SLC9B1: variants seen among roughly 807,000 people sequenced by gnomAD.
The protein encoded by SLC9B1 is solute carrier family 9 member B1, also known as sodium/hydrogen exchanger 9B1.
SLC9B1 carries 32 observed loss-of-function variants against 51.7 expected under a neutral mutation model. That is an observed-to-expected ratio of 0.62 (90% confidence interval 0.47 to 0.83). The LOEUF (loss-of-function observed/expected upper bound fraction) is 0.83. SLC9B1 is among the 40% of genes least tolerant of loss of function. The pLI is 0.00. For synonymous variants in SLC9B1, 145 were observed against 212.7 expected (o/e 0.68, Z 2.77); for missense variants, 406 against 613.2 (o/e 0.66, Z 3.57).
intron 9 of SLC9B1, among the ~76,000 whole-genome samples, chr4:102,906,978 G>A (rs1488669670): frequency 2.6e-5 from 4 of 151,938 alleles, no homozygotes; most frequent in African/African-American, 4.8e-5. Flanking sequence ...TGGCTGTGGC[G>A]TCCCAAAGCA....
At chr4:102,960,818 C>A (rs868822383) in intron 3 of SLC9B1, among the ~76,000 whole-genome samples, 111 of 151,602 alleles carry the variant, frequency 7.3e-4, no homozygotes, top group African/African-American at 2.5e-3. Context: ...CCACAACCTC[C>A]GCCTCCCGGG....
chr4:102,920,139 C>T (rs1735790877), intron 7 of SLC9B1, among the ~76,000 whole-genome samples: 1 of 152,188 alleles, frequency 6.6e-6, no homozygotes, highest in South Asian at 2.1e-4. Flanking sequence ...CTGGGACACA[C>T]CTGCCAGTAG....
At chr4:102,974,001 C>T (rs1305330746) in intron 3 of SLC9B1, among the ~76,000 whole-genome samples, 3 of 151,860 alleles carry the variant, frequency 2.0e-5, no homozygotes, top group African/African-American at 7.3e-5. Flanking sequence ...TTTGGGAGGT[C>T]AAGGCGGGCG....
At chr4:102,894,523 A>G (rs1734441094) in intron 11 of SLC9B1, among the ~76,000 whole-genome samples, 2 of 152,184 alleles carry the variant, frequency 1.3e-5, no homozygotes, top group Non-Finnish European at 2.9e-5. Flanking sequence ...TACAAAATAT[A>G]TTAGCAATAA....
rs3974483 is a variant in SLC9B1, at chr4:103,008,422, C to CT, written c.-2+11176dup. Among the ~76,000 whole-genome samples the CT allele has an allele frequency of 3.6e-3, 518 of 145,776 alleles. 8 individuals are homozygous for CT. Among genetic ancestry groups the CT allele is most frequent in the South Asian group, 0.027 (124 of 4,616 alleles). On this transcript the variant is annotated intron_variant, in intron 1 of 11. Transcript: ENST00000296422. ...TAAGTTCTCTGTTTTTCATTTGCTA[C>CT]TTTTTTTTTTTTTTTTGACAGAATC...
At position 102,906,303 on chromosome 4, in the gene SLC9B1, T is replaced by C. The variant is rs191293894; in HGVS notation, c.1195+233A>G. 57 of 244,642 alleles carry C rather than the reference T, an allele frequency of 2.3e-4. No individual in the cohort carries two copies. In the East Asian group the frequency reaches 5.3e-3, roughly 23 times the overall value. The allele number at this position is 244,642 out of a possible 1,614,324, so 15.2% of individuals were successfully genotyped here. A position where few individuals can be genotyped will look rare whatever the true frequency, so the allele number is the denominator to read the frequency against. ...ATGTTCCCTCAGGAAAGAAATCTTA[T>C]ATTTATTTCTTCAGATAACTCAGGG... is the stretch of plus-strand genomic sequence containing the variant. On this transcript the variant is annotated intron_variant, in intron 10 of 11. Transcript: ENST00000296422.
intron 6 of SLC9B1, among the ~76,000 whole-genome samples, chr4:102,936,082 G>A (rs1171235435): frequency 6.6e-6 from 1 of 152,190 alleles, no homozygotes; most frequent in African/African-American, 2.4e-5. Context: ...TGAAGGGCCA[G>A]ACAACAAATC....
intron 7 of SLC9B1, among the ~76,000 whole-genome samples, chr4:102,917,443 ATCTATATCTATATCTAT>A (rs1735634361): frequency 1.1e-5 from 1 of 93,034 alleles, no homozygotes; most frequent in African/African-American, 4.7e-5. Context: ...CTATATCTAT[ATCTATATCTATATCTAT>A]ATCTATATCT....
At chr4:102,892,528 C>G (rs569044261) in intron 11 of SLC9B1, 1 of 152,260 alleles carries the variant, frequency 6.6e-6, no homozygotes, top group South Asian at 2.1e-4. Flanking sequence ...GTTTTTCAAC[C>G]AGAGATGACA....
chr4:103,010,100 C>G (rs1741014878), intron 1 of SLC9B1, among the ~76,000 whole-genome samples: 1 of 152,170 alleles, frequency 6.6e-6, no homozygotes, highest in African/African-American at 2.4e-5. Flanking sequence ...GTGCCTAGAT[C>G]TTGTTGCCAC....
At chr4:102,959,250 AC>A (rs1298204939) in intron 3 of SLC9B1, among the ~76,000 whole-genome samples, 13 of 152,084 alleles carry the variant, frequency 8.5e-5, no homozygotes, top group Non-Finnish European at 1.8e-4. Flanking sequence ...ACACACACAC[AC>A]ACACACATAC....
rs1358019502 is a variant in SLC9B1 at position 102,977,320 on chromosome 4, A to G, written c.211+12480T>C. 1.1e-4 allele frequency among the ~76,000 whole-genome samples: 16 copies of G among 150,904 alleles called. No homozygotes were observed. The East Asian group carries it at 2.5e-3, about 24-fold the overall frequency. ...CTTAAAAAAAAAAAAAAAAAAACAG[A>G]AAAAAAGGAAGAAGAACAAGAGGAG... On this transcript the variant is annotated intron_variant, in intron 3 of 11. Coordinates refer to ENST00000296422, the MANE Select transcript of SLC9B1 (RefSeq NM_139173.4).
At chr4:102,887,452 A>G in intron 11 of SLC9B1, 1 of 930,988 alleles carries the variant, frequency 1.1e-6, no homozygotes, top group Non-Finnish European at 1.7e-6. Flanking sequence ...ATATTTTCTC[A>G]TTCTTTGTGT....
At chr4:102,929,031 C>G (rs1230161323) in intron 7 of SLC9B1, among the ~76,000 whole-genome samples, 2 of 152,160 alleles carry the variant, frequency 1.3e-5, no homozygotes, top group African/African-American at 4.8e-5. Flanking sequence ...GGTGCCGACC[C>G]ACACTGAGGG....
intron 7 of SLC9B1, among the ~76,000 whole-genome samples, chr4:102,931,435 A>T (rs2110458176): frequency 6.6e-6 from 1 of 152,148 alleles, no homozygotes; most frequent in Non-Finnish European, 1.5e-5. Context: ...AGATTTTTTT[A>T]ACTTTTCCTC....
At chr4:102,910,896 C>T (rs1244575587) in intron 8 of SLC9B1, among the ~76,000 whole-genome samples, 4 of 151,988 alleles carry the variant, frequency 2.6e-5, no homozygotes, top group Non-Finnish European at 5.9e-5. Context: ...ATAACATATC[C>T]AATGAATTCT....
intron 4 of SLC9B1, among the ~76,000 whole-genome samples, chr4:102,948,509 C>T (rs1737382469): frequency 6.6e-6 from 1 of 152,106 alleles, no homozygotes; most frequent in African/African-American, 2.4e-5. Flanking sequence ...AATCATTCTT[C>T]CATAAATACA....
intron 7 of SLC9B1, among the ~76,000 whole-genome samples, chr4:102,919,498 A>G (rs963092430): frequency 2.0e-5 from 3 of 152,186 alleles, no homozygotes; most frequent in African/African-American, 7.2e-5. Flanking sequence ...TCGACGCAGA[A>G]GACAGGTGAT....
chr4:102,962,644 G>A (rs533065854), intron 3 of SLC9B1: 1 of 471,072 alleles, frequency 2.1e-6, no homozygotes, highest in Admixed American at 2.4e-5. Flanking sequence ...ATGTAATTGG[G>A]AGCTGCATCA....
Sources: allele counts gnomAD v4.1 joint callset (sites outside exome capture counted in the v4.1 genomes callset), GRCh38; gene constraint gnomAD v4.1.1; transcripts MANE v1.5; gene names NCBI Gene and HGNC (gene_info 2026-07-23, HGNC 2026-07-21).